Variants in AFF2 observed in about 807,000 individuals in gnomAD.
The protein encoded by AFF2 is AF4/FMR2 family member 2.
AFF2 carries 14 observed loss-of-function variants against 76.9 expected under a neutral mutation model. The observed-to-expected ratio is 0.18, with a 90% CI of 0.12 to 0.28. The LOEUF (loss-of-function observed/expected upper bound fraction) is 0.28. AFF2 is among the 10% of genes least tolerant of loss of function. AFF2 has a pLI of 1.00. For missense variants in AFF2, 868 were observed against 1,001.1 expected, an observed-to-expected ratio of 0.87 and a Z score of 1.79; for synonymous variants, 398 against 366.7, an observed-to-expected ratio of 1.09 and a Z score of -0.98.
intron 3 of AFF2, among the ~76,000 whole-genome samples, chrX:148,779,566 CT>C (rs199607038): frequency 0.03 from 3,299 of 110,443 alleles, 129 homozygotes; most frequent in African/African-American, 0.1. Context: ...GTTAGCTCTT[CT>C]TGTTGCATTT....
chrX:148,641,487 C>A (rs1162511274), intron 1 of AFF2, among the ~76,000 whole-genome samples: 1 of 111,382 alleles, frequency 9.0e-6, no homozygotes, highest in African/African-American at 3.3e-5. Flanking sequence ...GTAGAAGGGA[C>A]AGGATTAGAA....
At chrX:148,719,374 C>G in intron 3 of AFF2, 1 of 421,231 alleles carries the variant, frequency 2.4e-6, no homozygotes. Flanking sequence ...GATTTAAATA[C>G]AGTTCCTTAG....
At chrX:148,573,045 T>C (rs7883198) in intron 1 of AFF2, among the ~76,000 whole-genome samples, 26,755 of 110,520 alleles carry the variant, frequency 0.24, 2,628 homozygotes, top group Non-Finnish European at 0.31. Flanking sequence ...AAGAGTATTT[T>C]ATCATTGGCA....
At chrX:148,731,679 C>G (rs2055221424) in intron 3 of AFF2, among the ~76,000 whole-genome samples, 1 of 105,074 alleles carries the variant, frequency 9.5e-6, no homozygotes, top group Non-Finnish European at 1.9e-5. Flanking sequence ...ACTCATCTGA[C>G]AAAGGGCTAA....
chrX:148,967,163 T>C, intron 14 of AFF2, 84 bp downstream of exon 14: 1 of 1,158,475 alleles, frequency 8.6e-7, no homozygotes, highest in African/African-American at 1.8e-5. Context: ...GCTGTGCATG[T>C]GTCACCCCAA....
At chrX:148,617,687 A>G (rs1003162408) in intron 1 of AFF2, among the ~76,000 whole-genome samples, 2 of 112,390 alleles carry the variant, frequency 1.8e-5, no homozygotes, top group Admixed American at 9.4e-5. Flanking sequence ...TGTTGATGCA[A>G]TTCACACTCG....
intron 1 of AFF2, among the ~76,000 whole-genome samples, chrX:148,507,201 T>C (rs782320113): frequency 8.9e-6 from 1 of 112,654 alleles, no homozygotes; most frequent in East Asian, 2.8e-4. Context: ...ATATTAGTTA[T>C]TTGTAATTCT....
intron 7 of AFF2, among the ~76,000 whole-genome samples, chrX:148,868,861 C>T (rs1557277077): frequency 8.9e-6 from 1 of 111,874 alleles, no homozygotes. Flanking sequence ...AACGGCTTAA[C>T]AAGTTCCCTC....
chrX:148,889,419 G>A (rs146304539), intron 8 of AFF2, among the ~76,000 whole-genome samples: 1,368 of 111,407 alleles, frequency 0.012, 25 homozygotes, highest in African/African-American at 0.042. Context: ...TCCAGAATGG[G>A]GGAATTATAA....
intron 3 of AFF2, among the ~76,000 whole-genome samples, chrX:148,771,832 GCAAA>G (rs2069591327): frequency 1.8e-5 from 2 of 111,694 alleles, no homozygotes; most frequent in African/African-American, 6.5e-5. Flanking sequence ...GTCAGATTTT[GCAAA>G]CAGATTTTAA....
intron 1 of AFF2, among the ~76,000 whole-genome samples, chrX:148,604,478 G>A (rs1029949559): frequency 1.8e-5 from 2 of 112,307 alleles, no homozygotes; most frequent in Non-Finnish European, 3.8e-5. Flanking sequence ...CTGCAGCCTT[G>A]AATTCCTGGG....
chrX:148,783,260 A>G (rs192185037), intron 3 of AFF2, among the ~76,000 whole-genome samples: 2 of 111,717 alleles, frequency 1.8e-5, no homozygotes, highest in East Asian at 5.6e-4. Flanking sequence ...AGCCTGAGCC[A>G]TTTTCTCAGA....
At chrX:148,612,223 CCG>C (rs1557249599) in intron 1 of AFF2, among the ~76,000 whole-genome samples, 1 of 111,740 alleles carries the variant, frequency 8.9e-6, no homozygotes, top group African/African-American at 3.3e-5. Context: ...TCCTAAGCCT[CCG>C]TCCATGTATC....
At chrX:148,594,141 A>G (rs1447333807) in intron 1 of AFF2, among the ~76,000 whole-genome samples, 1 of 110,377 alleles carries the variant, frequency 9.1e-6, no homozygotes, top group African/African-American at 3.3e-5. Context: ...AGCTGTAGAC[A>G]TGCAAGCAGA....
At chrX:148,712,341 A>AAAG (rs1484874784) in intron 3 of AFF2, among the ~76,000 whole-genome samples, 1 of 112,042 alleles carries the variant, frequency 8.9e-6, no homozygotes, top group Non-Finnish European at 1.9e-5. Context: ...CCTCATTTTC[A>AAAG]AAGAATAACA....
chrX:148,844,867 C>T (rs2070645620), intron 7 of AFF2, among the ~76,000 whole-genome samples: 1 of 111,243 alleles, frequency 9.0e-6, no homozygotes, highest in Non-Finnish European at 1.9e-5. Context: ...CAAGAATTCT[C>T]AATTTTAAGA....
intron 1 of AFF2, among the ~76,000 whole-genome samples, chrX:148,571,047 A>T (rs1210836198): frequency 8.9e-6 from 1 of 111,879 alleles, no homozygotes; most frequent in Non-Finnish European, 1.9e-5. Context: ...GTTAAGACTT[A>T]AACATATTTT....
At chrX:148,818,913 A>G (rs1473135306) in intron 4 of AFF2, among the ~76,000 whole-genome samples, 1 of 111,030 alleles carries the variant, frequency 9.0e-6, no homozygotes, top group Non-Finnish European at 1.9e-5. Flanking sequence ...AGAGGTTGAA[A>G]ATTGCCCCGA....
chrX:148,683,343 T>G (rs1557260090), intron 3 of AFF2, among the ~76,000 whole-genome samples: 1 of 112,154 alleles, frequency 8.9e-6, no homozygotes, highest in Non-Finnish European at 1.9e-5. Flanking sequence ...CAATTAAAAT[T>G]ACATATGTGT....
Sources: allele counts gnomAD v4.1 joint callset (sites outside exome capture counted in the v4.1 genomes callset), GRCh38; gene constraint gnomAD v4.1.1; transcripts MANE v1.5; gene names NCBI Gene and HGNC (gene_info 2026-07-23, HGNC 2026-07-21).